The following STN1 variants were observed in gnomAD, a reference collection of about 807,000 sequenced individuals.
The protein encoded by STN1 is CST complex subunit STN1.
In STN1, 29 loss-of-function variants were observed where a neutral mutation model predicts 45.5. The ratio of observed to expected loss-of-function variants is 0.64; its 90% CI spans 0.47 to 0.87. STN1 has a LOEUF of 0.87. Among genes scored for constraint, STN1 ranks in the 40% least tolerant of loss-of-function variants. The pLI, the probability that STN1 is intolerant of heterozygous loss-of-function variation, is 0.00. For synonymous variants in STN1, 148 were observed against 159.0 expected (o/e 0.93, Z 0.52); for missense variants, 376 against 441.4 (o/e 0.85, Z 1.33).
intron 9 of STN1, among the ~76,000 whole-genome samples, chr10:103,888,409 A>G (rs1448606364): frequency 3.1e-5 from 4 of 127,114 alleles, no homozygotes; most frequent in Admixed American, 2.5e-4. Flanking sequence ...TTAAAGATAG[A>G]CTAATGCTTC....
intron 2 of STN1, among the ~76,000 whole-genome samples, chr10:103,913,573 AAAG>A (rs1480610600): frequency 5.9e-5 from 9 of 152,218 alleles, no homozygotes; most frequent in Non-Finnish European, 1.2e-4. Flanking sequence ...CACTGCTTAG[AAAG>A]AAGAAACTTC....
rs764639049 is a variant in STN1, at chr10:103,892,221, G to T, written c.785C>A (p.Ala262Glu). 5.6e-6 allele frequency: 9 copies of T among 1,601,550 alleles called. No individual in the cohort carries two copies. In the Admixed American group the frequency reaches 1.6e-4, roughly 28 times the overall value. ...VNFKKDTTSK[A>E]IHSIFKNAIQ... Reference sequence around the variant, plus strand: ...AGCATTCTTAAATATACTATGAATTGCCTTGGAAGTGGTGTCCTTCTTAAA... The same window carrying T: ...AGCATTCTTAAATATACTATGAATTTCCTTGGAAGTGGTGTCCTTCTTAAA... The change falls in exon 8 of 10, where the codon GCA becomes GAA. Residue 262 changes from alanine (A) to glutamate (E), a missense_variant. Coordinates refer to ENST00000224950, the MANE Select transcript of STN1 (RefSeq NM_024928.5).
chr10:103,884,895 A>G (rs900432069), intron 9 of STN1, among the ~76,000 whole-genome samples: 1 of 152,104 alleles, frequency 6.6e-6, no homozygotes, highest in African/African-American at 2.4e-5. Flanking sequence ...ACTCCTTCCA[A>G]CTGGGATTGC....
intron 9 of STN1, 71 bp downstream of exon 9, chr10:103,889,001 T>A (rs1365591684): frequency 9.1e-7 from 1 of 1,093,620 alleles, no homozygotes; most frequent in East Asian, 2.4e-5. Context: ...TGACTCTCCA[T>A]CCAGTGCTCC....
intron 3 of STN1, among the ~76,000 whole-genome samples, chr10:103,908,449 C>A (rs182880420): frequency 6.6e-6 from 1 of 152,250 alleles, no homozygotes; most frequent in Admixed American, 6.5e-5. Flanking sequence ...TGAGTCAGTG[C>A]GAGCAGGAAG....
chr10:103,896,367 C>A (rs1173820448), intron 7 of STN1, among the ~76,000 whole-genome samples: 52 of 152,174 alleles, frequency 3.4e-4, no homozygotes, highest in Non-Finnish European at 5.9e-5. Flanking sequence ...GGGTGAGGGG[C>A]CACGTGGCAA....
chr10:103,885,881 T>C (rs1843099928), intron 9 of STN1, among the ~76,000 whole-genome samples: 1 of 152,190 alleles, frequency 6.6e-6, no homozygotes, highest in South Asian at 2.1e-4. Flanking sequence ...CTATGAGCGG[T>C]GATAACTGCG....
intron 2 of STN1, 94 bp from the exon 3 acceptor site, chr10:103,910,716 A>C: frequency 1.5e-6 from 1 of 662,200 alleles, no homozygotes. Flanking sequence ...AGTGTAAAAA[A>C]ATCAATCCAT....
chr10:103,899,749 T>C (rs892874775), intron 5 of STN1, among the ~76,000 whole-genome samples: 8 of 152,142 alleles, frequency 5.3e-5, no homozygotes, highest in African/African-American at 1.9e-4. Context: ...AATATTCATA[T>C]TTTGCCCTAA....
At chr10:103,889,696 T>A (rs1196627520) in intron 8 of STN1, among the ~76,000 whole-genome samples, 2 of 2,908 alleles carry the variant, frequency 6.9e-4, no homozygotes, top group African/African-American at 1.5e-3. Context: ...TTCTTTTTCC[T>A]TTTTTTTTTT....
Position 103,893,028 on chromosome 10 carries a change from C to T in STN1, c.754-776G>A, listed in dbSNP as rs1220971843. Among the ~76,000 whole-genome samples, 4 of 152,168 alleles carry T rather than the reference C, an allele frequency of 2.6e-5. 1 individual carries two copies. Among genetic ancestry groups the T allele is most frequent in the Non-Finnish European group, 5.9e-5 (4 of 68,038 alleles). On this transcript the variant is annotated intron_variant, in intron 7 of 9. Transcript: ENST00000224950. ...TCTTGGCCACCTCCTCCCTAGCACA[C>T]GTTAGGTGACTGATAAAGTATCTGT... is the stretch of plus-strand genomic sequence containing the variant.
intron 2 of STN1, among the ~76,000 whole-genome samples, chr10:103,916,701 C>G (rs1440216792): frequency 6.6e-6 from 1 of 151,326 alleles, no homozygotes; most frequent in African/African-American, 2.4e-5. Flanking sequence ...AATTATTACA[C>G]AGCTACGTGA....
intron 7 of STN1, among the ~76,000 whole-genome samples, chr10:103,895,554 G>A (rs1471821543): frequency 2.6e-5 from 4 of 152,208 alleles, no homozygotes; most frequent in African/African-American, 7.2e-5. Context: ...AAGCAACCTT[G>A]GCAAAGAACA....
At chr10:103,896,384 C>G (rs913555129) in intron 7 of STN1, among the ~76,000 whole-genome samples, 1 of 152,078 alleles carries the variant, frequency 6.6e-6, no homozygotes, top group Non-Finnish European at 1.5e-5. Flanking sequence ...GCAATCAGAG[C>G]AGCTAGACGG....
intron 3 of STN1, among the ~76,000 whole-genome samples, chr10:103,909,111 T>C (rs917644475): frequency 1.3e-5 from 2 of 151,752 alleles, no homozygotes; most frequent in East Asian, 3.9e-4. Flanking sequence ...GGGAGAATAA[T>C]ATGAAATTAT....
chr10:103,911,550 C>CT (rs1329650395), intron 2 of STN1, among the ~76,000 whole-genome samples: 3 of 151,912 alleles, frequency 2.0e-5, no homozygotes, highest in Non-Finnish European at 2.9e-5. Flanking sequence ...TTTCCTTTTT[C>CT]TTTTTTTTAA....
Position 103,897,541 on chromosome 10 carries a change from C to A in STN1, c.753+7G>T, listed in dbSNP as rs1176962064. On this transcript the variant is annotated splice_region_variant and intron_variant, in intron 7 of 9. Transcript: ENST00000224950. ...CCAGAATTCTCACATGGGCATGCTG[C>A]ACTCACTTGGTCGGAGGAGGCACTG... 6.2e-7 allele frequency: 1 copy of A among 1,613,516 alleles called. No individual in the cohort carries two copies. Among genetic ancestry groups the A allele is most frequent in the Non-Finnish European group, 8.5e-7 (1 of 1,179,546 alleles).
rs866119883 is a variant in STN1 at position 103,917,556 on chromosome 10, A to C, written c.39T>G (p.Pro13=). The stretch of plus-strand genomic sequence containing the variant: ...CAGGATCCAAACCCCACAAGAGGGA[A>C]GGGGTCTCCTCTTCACACCGGCTGG... The part of the protein sequence containing the change: ...PGSSRCEEET[P]SLLWGLDPVF... The change falls in exon 2 of 10, where the codon CCT becomes CCG. Residue 13 remains proline, a synonymous_variant. Transcript: ENST00000224950. 1.2e-6 allele frequency: 2 copies of C among 1,614,022 alleles called. No individual in the cohort carries two copies. The highest frequency in any genetic ancestry group is 1.7e-6 in the Non-Finnish European group (2 of 1,179,988).
At chr10:103,885,360 G>C (rs538963868) in intron 9 of STN1, among the ~76,000 whole-genome samples, 1 of 152,284 alleles carries the variant, frequency 6.6e-6, no homozygotes, top group African/African-American at 2.4e-5. Flanking sequence ...GTGCTGCTCA[G>C]CTTTTAGTTT....
Sources: allele counts gnomAD v4.1 joint callset (sites outside exome capture counted in the v4.1 genomes callset), GRCh38; gene constraint gnomAD v4.1.1; transcripts MANE v1.5; gene names NCBI Gene and HGNC (gene_info 2026-07-23, HGNC 2026-07-21).